DENND4A: variants seen among roughly 807,000 people sequenced by gnomAD.
DENND4A encodes DENN domain containing 4A, also known as C-myc promoter-binding protein.
A neutral mutation model predicts 199.3 loss-of-function variants in DENND4A; 70 were observed. The observed-to-expected ratio is 0.35, with a 90% CI of 0.29 to 0.43. DENND4A has a LOEUF of 0.43. DENND4A is among the 20% of genes least tolerant of loss of function. The pLI is 1.00. For missense variants in DENND4A, 1,723 were observed against 2,255.8 expected (o/e 0.76, Z 4.78); for synonymous variants, 686 against 766.9 (o/e 0.89, Z 1.74).
At chr15:65,715,127 GAT>G (rs1257201481) in intron 14 of DENND4A, 4 of 173,262 alleles carry the variant, frequency 2.3e-5, no homozygotes, top group Admixed American at 6.3e-5. Context: ...TTCAGCATGT[GAT>G]AACCCATATC....
intron 8 of DENND4A, 48 bp downstream of exon 8, chr15:65,732,704 G>T: frequency 9.2e-7 from 1 of 1,086,312 alleles, no homozygotes; most frequent in Non-Finnish European, 1.4e-6. Context: ...TTTTGACAGA[G>T]CCAATAACAA....
At chr15:65,782,122 T>G (rs901653328) in intron 1 of DENND4A, among the ~76,000 whole-genome samples, 31 of 152,226 alleles carry the variant, frequency 2.0e-4, no homozygotes, top group African/African-American at 7.5e-4. Flanking sequence ...AGTAGGTGAC[T>G]GTGAATACTA....
intron 7 of DENND4A, among the ~76,000 whole-genome samples, chr15:65,734,597 T>C (rs888707914): frequency 6.6e-6 from 1 of 152,140 alleles, no homozygotes; most frequent in Non-Finnish European, 1.5e-5. Context: ...CACCCACAGG[T>C]GTGGAGGGGC....
chr15:65,712,165 T>C (rs762202222), intron 14 of DENND4A, among the ~76,000 whole-genome samples: 1 of 152,224 alleles, frequency 6.6e-6, no homozygotes, highest in East Asian at 1.9e-4. Context: ...GATTTGTTAA[T>C]TCCCTAACAG....
At chr15:65,780,516 A>G (rs2140960938) in intron 1 of DENND4A, among the ~76,000 whole-genome samples, 1 of 152,300 alleles carries the variant, frequency 6.6e-6, no homozygotes, top group Admixed American at 6.5e-5. Flanking sequence ...TGGACCTCCT[A>G]GAAAGACTAA....
chr15:65,728,981 G>A (rs1567052747), intron 11 of DENND4A, 91 bp downstream of exon 11: 5 of 1,262,276 alleles, frequency 4.0e-6, no homozygotes, highest in Non-Finnish European at 5.6e-6. Flanking sequence ...TATCTTAAAA[G>A]AATCCTACTT....
In DENND4A at chr15:65,663,200, T is replaced by A. The variant is rs28610243; in HGVS notation, c.5587+1130A>T. Among the ~76,000 whole-genome samples the A allele has an allele frequency of 1.5e-3, 150 of 97,590 alleles. 2 individuals are homozygous for A. The highest frequency in any genetic ancestry group is 0.012 in the East Asian group (13 of 1,052). 64.0% of individuals were successfully genotyped at this position (97,590 alleles called of 152,430 possible). A position where few individuals can be genotyped will look rare whatever the true frequency, so the allele number is the denominator to read the frequency against. ...TGTATATATATATATATATATATATTTTTTTTTTTTTATTTTTTTTTTTGG... is the reference window on the plus strand; with the variant it reads ...TGTATATATATATATATATATATATATTTTTTTTTTTATTTTTTTTTTTGG... On this transcript the variant is annotated intron_variant, in intron 32 of 32. Transcript: ENST00000443035.
intron 1 of DENND4A, among the ~76,000 whole-genome samples, chr15:65,786,491 A>T (rs1231056608): frequency 6.6e-6 from 1 of 152,126 alleles, no homozygotes; most frequent in African/African-American, 2.4e-5. Flanking sequence ...GCACTTTGGG[A>T]GGCCAAGGCG....
chr15:65,737,156 G>A (rs999341879), intron 7 of DENND4A, among the ~76,000 whole-genome samples: 9 of 151,928 alleles, frequency 5.9e-5, no homozygotes, highest in African/African-American at 1.7e-4. Context: ...TCTGCTTCCC[G>A]GGTTCAAGTG....
intron 22 of DENND4A, among the ~76,000 whole-genome samples, chr15:65,691,958 CTTTTTTT>C (rs767840868): frequency 1.5e-5 from 2 of 134,088 alleles, no homozygotes; most frequent in Non-Finnish European, 3.2e-5. Flanking sequence ...CTGAGTCTTC[CTTTTTTT>C]TTTTTTTTTT....
intron 15 of DENND4A, 109 bp downstream of exon 15, chr15:65,705,982 G>T (rs991999375): frequency 2.5e-5 from 34 of 1,348,494 alleles, no homozygotes; most frequent in Non-Finnish European, 3.2e-5. Context: ...TAAAAATTAG[G>T]GATCTGTAAA....
Position 65,722,960 on chromosome 15 carries a change from TAAC to T in DENND4A, c.1488-15_1488-13del. Reference sequence around the variant, plus strand: ...TCTTGTCACCAATTCTAAGATTAAATAACAACAGGAATATATTTGTTACATGGT... The same window carrying T: ...TCTTGTCACCAATTCTAAGATTAAATAACAGGAATATATTTGTTACATGGT... On this transcript the variant is annotated splice_polypyrimidine_tract_variant and intron_variant, in intron 11 of 32. Transcript: ENST00000443035. 1 of 1,588,488 alleles carries T rather than the reference TAAC, an allele frequency of 6.3e-7. No homozygotes were observed. Among genetic ancestry groups the T allele is most frequent in the East Asian group, 2.3e-5 (1 of 43,904 alleles).
At chr15:65,737,083 G>C (rs1476402214) in intron 7 of DENND4A, among the ~76,000 whole-genome samples, 1 of 150,016 alleles carries the variant, frequency 6.7e-6, no homozygotes, top group Non-Finnish European at 1.5e-5. Flanking sequence ...TTTTTTTTGA[G>C]GCAGGGTCTC....
Position 65,670,002 on chromosome 15 carries a change from A to T in DENND4A, c.4640+11T>A, listed in dbSNP as rs2076169610. On this transcript the variant is annotated intron_variant, in intron 26 of 32. Coordinates refer to ENST00000443035, the MANE Select transcript of DENND4A (RefSeq NM_001320835.1). ...ATGATCCTTAAACATGAAGGAAAAA[A>T]ATATCATTACCTTCCAGGTCGTCTT... is the stretch of plus-strand genomic sequence containing the variant. 1 of 1,591,902 alleles carries T rather than the reference A, an allele frequency of 6.3e-7. No individual in the cohort carries two copies. The highest frequency in any genetic ancestry group is 2.2e-5 in the East Asian group (1 of 44,574).
intron 4 of DENND4A, among the ~76,000 whole-genome samples, chr15:65,744,791 T>C (rs2076346822): frequency 1.3e-5 from 2 of 152,244 alleles, no homozygotes; most frequent in South Asian, 4.1e-4. Flanking sequence ...GTTTCTCATG[T>C]AATCCTTTCA....
At chr15:65,740,874 A>G (rs1207144103) in intron 5 of DENND4A, among the ~76,000 whole-genome samples, 3 of 151,986 alleles carry the variant, frequency 2.0e-5, no homozygotes, top group East Asian at 1.9e-4. Flanking sequence ...AGGCAAGAGG[A>G]TACCTTGAGC....
intron 1 of DENND4A, among the ~76,000 whole-genome samples, chr15:65,768,854 C>T (rs1404110850): frequency 3.3e-5 from 5 of 151,822 alleles, no homozygotes; most frequent in Admixed American, 1.3e-4. Context: ...AATAGCCGGA[C>T]GTGGTGGCGG....
In DENND4A at chr15:65,662,520, G is replaced by A. The variant is rs996901250; in HGVS notation, c.5588-533C>T. Among the ~76,000 whole-genome samples, 3 of 151,930 alleles carry A rather than the reference G, an allele frequency of 2.0e-5. No individual in the cohort carries two copies. In the South Asian group the frequency reaches 6.2e-4, roughly 32 times the overall value. On this transcript the variant is annotated intron_variant, in intron 32 of 32. Transcript: ENST00000443035. The stretch of plus-strand genomic sequence containing the variant: ...TGGCAACAGATGGAGCTAACAGACT[G>A]TTACTTTTATTTTTAAGGACGTTAT...
At chr15:65,683,672 T>C (rs1460296007) in intron 23 of DENND4A, among the ~76,000 whole-genome samples, 1 of 152,226 alleles carries the variant, frequency 6.6e-6, no homozygotes, top group African/African-American at 2.4e-5. Context: ...TACTTATTCT[T>C]AGTGATTTGT....
Sources: allele counts gnomAD v4.1 joint callset (sites outside exome capture counted in the v4.1 genomes callset), GRCh38; gene constraint gnomAD v4.1.1; transcripts MANE v1.5; gene names NCBI Gene and HGNC (gene_info 2026-07-23, HGNC 2026-07-21).